MAML3: variants seen among roughly 807,000 people sequenced by gnomAD.
The protein encoded by MAML3 is mastermind-like protein 3.
Under a neutral mutation model 101.9 loss-of-function variants are expected in MAML3, and 27 were observed. The observed-to-expected ratio is 0.27, with a 90% CI of 0.20 to 0.37. The LOEUF (loss-of-function observed/expected upper bound fraction) is 0.37, where lower values mean the gene tolerates loss of function less well. Ranked by LOEUF, MAML3 falls within the 10% of genes least tolerant of loss-of-function variation. The pLI is 1.00. For missense variants in MAML3, 1,316 were observed against 1,444.9 expected, an observed-to-expected ratio of 0.91 and a Z score of 1.45; for synonymous variants, 501 against 555.9, an observed-to-expected ratio of 0.90 and a Z score of 1.39.
intron 1 of MAML3, among the ~76,000 whole-genome samples, chr4:139,981,786 A>G (rs895312445): frequency 6.6e-6 from 1 of 152,168 alleles, no homozygotes; most frequent in East Asian, 1.9e-4. Flanking sequence ...AGCTTGTAGA[A>G]TGTCTCAGCT....
chr4:140,051,135 A>G (rs928617308), intron 1 of MAML3, among the ~76,000 whole-genome samples: 3 of 152,226 alleles, frequency 2.0e-5, no homozygotes, highest in African/African-American at 7.2e-5. Flanking sequence ...GTTGAGGACA[A>G]TATCTATAAG....
rs953782637 is a variant in MAML3, at chr4:139,785,542, G to T, written c.2080-54875C>A. On this transcript the variant is annotated intron_variant, in intron 2 of 4. Coordinates refer to ENST00000509479, the MANE Select transcript of MAML3 (RefSeq NM_018717.5). The surrounding 1 kb of genome is among the most constrained non-coding windows in gnomAD (Gnocchi z 4.3). ...ACAGGTTGCATGTGGTTGCTGGGCT[G>T]TTGCTTGGCTGGTGCTGCACTGCGG... Among the ~76,000 whole-genome samples, 3 of 152,182 alleles carry T rather than the reference G, an allele frequency of 2.0e-5. No individual in the cohort carries two copies. Among genetic ancestry groups the T allele is most frequent in the African/African-American group, 7.2e-5 (3 of 41,432 alleles).
intron 1 of MAML3, among the ~76,000 whole-genome samples, chr4:140,142,150 C>T (rs1728988322): frequency 6.8e-6 from 1 of 148,032 alleles, no homozygotes; most frequent in Non-Finnish European, 1.5e-5. Flanking sequence ...GGATGGCTCT[C>T]TAAAATATAT....
chr4:139,902,555 A>G lies in MAML3; in HGVS notation c.469-11588T>C, dbSNP rs149721294. ...ATGAAGAAGATACCCACAGACAGAC[A>G]GGCACGTTCTCACATACAGGCAAAC... On this transcript the variant is annotated intron_variant, in intron 1 of 4. Transcript: ENST00000509479. Among the ~76,000 whole-genome samples the G allele has an allele frequency of 1.2e-3, 188 of 152,308 alleles. 1 individual carries two copies. The highest frequency in any genetic ancestry group is 4.4e-3 in the African/African-American group (182 of 41,556).
intron 2 of MAML3, among the ~76,000 whole-genome samples, chr4:139,742,478 C>T (rs577380757): frequency 6.6e-6 from 1 of 152,310 alleles, no homozygotes; most frequent in South Asian, 2.1e-4. Context: ...TTAATCAGAA[C>T]TCTTCTTGGG....
chr4:140,072,482 C>A (rs2110955514), intron 1 of MAML3, among the ~76,000 whole-genome samples: 1 of 151,944 alleles, frequency 6.6e-6, no homozygotes, highest in Middle Eastern at 3.4e-3. Context: ...ACCACCCTGA[C>A]CAACATAAAG....
intron 1 of MAML3, among the ~76,000 whole-genome samples, chr4:139,895,789 CA>C (rs1367357544): frequency 2.0e-5 from 3 of 152,162 alleles, no homozygotes; most frequent in African/African-American, 7.2e-5. Context: ...GATTGTAGAA[CA>C]GCAGAGGCTA....
At chr4:139,843,917 C>T (rs1312630353) in intron 2 of MAML3, among the ~76,000 whole-genome samples, 1 of 152,180 alleles carries the variant, frequency 6.6e-6, no homozygotes, top group Non-Finnish European at 1.5e-5. Context: ...GAAAGCTTGG[C>T]CCACAGGGCC....
rs138211043 is a variant in MAML3, at chr4:139,953,718, G to C, written c.469-62751C>G. ...ACTACTAGTCCCCAGGGCCTTTTTC[G>C]AAACCAGTGGTACAAAGTGTTGACA... On this transcript the variant is annotated intron_variant, in intron 1 of 4. Coordinates refer to ENST00000509479, the MANE Select transcript of MAML3 (RefSeq NM_018717.5). 2.6e-5 allele frequency among the ~76,000 whole-genome samples: 4 copies of C among 152,314 alleles called. No individual in the cohort carries two copies. In the East Asian group the frequency reaches 7.7e-4, roughly 29 times the overall value.
At chr4:139,871,881 G>T (rs1463925207) in intron 2 of MAML3, among the ~76,000 whole-genome samples, 1 of 152,158 alleles carries the variant, frequency 6.6e-6, no homozygotes, top group Non-Finnish European at 1.5e-5. Flanking sequence ...TTCAGTTATC[G>T]GTTGTAACTA....
At chr4:139,847,472 G>A (rs1445467098) in intron 2 of MAML3, among the ~76,000 whole-genome samples, 5 of 152,144 alleles carry the variant, frequency 3.3e-5, no homozygotes, top group East Asian at 1.9e-4. Flanking sequence ...ACTTGGGACC[G>A]CTCAGTTCAT....
At chr4:139,794,596 C>T (rs1401866679) in intron 2 of MAML3, among the ~76,000 whole-genome samples, 1 of 152,212 alleles carries the variant, frequency 6.6e-6, no homozygotes, top group African/African-American at 2.4e-5. Context: ...ACTCCTATGA[C>T]TTACTGAGGC....
rs548288422 is a variant in MAML3 at position 139,890,253 on chromosome 4, G to A, written c.1183C>T (p.Pro395Ser). ...FSTVSTATSL[P>S]SVASTPAAPN... ...GCTGCGGGAGTGCTGGCAACAGAAG[G>A]TAAACTAGTGGCCGTGGAGACAGTA... The change falls in exon 2 of 5, where the codon CCT becomes TCT. Residue 395 changes from proline (P) to serine (S), a missense_variant. Transcript: ENST00000509479. The surrounding 1 kb of genome is among the most constrained non-coding windows in gnomAD (Gnocchi z 4.1). 6.2e-7 allele frequency: 1 copy of A among 1,613,842 alleles called. No individual in the cohort carries two copies. Among genetic ancestry groups the A allele is most frequent in the South Asian group, 1.1e-5 (1 of 91,076 alleles).
chr4:139,721,697 T>C (rs957369064), intron 4 of MAML3, among the ~76,000 whole-genome samples: 2 of 152,146 alleles, frequency 1.3e-5, no homozygotes, highest in Non-Finnish European at 2.9e-5. Flanking sequence ...TCATACTGCA[T>C]TGAAAAATGA....
At chr4:140,058,170 C>T (rs1356627447) in intron 1 of MAML3, among the ~76,000 whole-genome samples, 2 of 151,962 alleles carry the variant, frequency 1.3e-5, no homozygotes, top group South Asian at 4.2e-4. Context: ...AAATAATGGA[C>T]AAGGAAGGAA....
chr4:139,801,645 T>G (rs1029249000), intron 2 of MAML3, among the ~76,000 whole-genome samples: 94 of 9,904 alleles, frequency 9.5e-3, no homozygotes, highest in Admixed American at 0.033. Context: ...TGTGTGTGGG[T>G]GTGTGTGTGT....
chr4:140,068,376 C>A (rs1036764623), intron 1 of MAML3, among the ~76,000 whole-genome samples: 1 of 152,200 alleles, frequency 6.6e-6, no homozygotes, highest in African/African-American at 2.4e-5. Context: ...GGGGAAGGTA[C>A]AGTATGATCA....
chr4:139,868,761 T>G (rs1731948604), intron 2 of MAML3, among the ~76,000 whole-genome samples: 1 of 152,086 alleles, frequency 6.6e-6, no homozygotes, highest in South Asian at 2.1e-4. Flanking sequence ...TAACTTTGTG[T>G]CAAAAGAAAT....
chr4:139,747,005 C>A (rs1280867396), intron 2 of MAML3, among the ~76,000 whole-genome samples: 1 of 152,138 alleles, frequency 6.6e-6, no homozygotes, highest in Non-Finnish European at 1.5e-5. Context: ...CCAAGGCTTG[C>A]AGCAATTGCT....
Sources: allele counts gnomAD v4.1 joint callset (sites outside exome capture counted in the v4.1 genomes callset), GRCh38; gene constraint gnomAD v4.1.1; non-coding constraint Gnocchi (gnomAD v3.1); transcripts MANE v1.5; gene names NCBI Gene and HGNC (gene_info 2026-07-23, HGNC 2026-07-21).